PCSK2: variants seen among roughly 807,000 people sequenced by gnomAD.
PCSK2 encodes neuroendocrine convertase 2.
In PCSK2, 14 loss-of-function variants were observed where a neutral mutation model predicts 69.7. The observed-to-expected ratio is 0.20, with a 90% CI of 0.13 to 0.31. The LOEUF is 0.31. Ranked by LOEUF, PCSK2 falls within the 10% of genes least tolerant of loss-of-function variation. PCSK2 has a pLI of 1.00. For synonymous variants in PCSK2, 307 were observed against 320.7 expected, an observed-to-expected ratio of 0.96 and a Z score of 0.46; for missense variants, 544 against 842.5, an observed-to-expected ratio of 0.65 and a Z score of 4.39.
intron 1 of PCSK2, among the ~76,000 whole-genome samples, chr20:17,230,579 A>G (rs954268092): frequency 6.6e-6 from 1 of 152,140 alleles, no homozygotes; most frequent in African/African-American, 2.4e-5. Context: ...GAGCTCTGCT[A>G]TTTTCCCTTT....
chr20:17,389,605 G>A (rs1389016304), intron 5 of PCSK2, among the ~76,000 whole-genome samples: 1 of 152,164 alleles, frequency 6.6e-6, no homozygotes, highest in Non-Finnish European at 1.5e-5. Flanking sequence ...CTTGTCTTCT[G>A]GACTTACTGC....
chr20:17,371,428 G>A (rs956455006), intron 5 of PCSK2, among the ~76,000 whole-genome samples: 8 of 152,166 alleles, frequency 5.3e-5, no homozygotes, highest in South Asian at 2.1e-4. Context: ...ATATTGAGCC[G>A]TGCCAGCTCC....
At chr20:17,384,725 G>A (rs1042415189) in intron 5 of PCSK2, among the ~76,000 whole-genome samples, 1 of 152,112 alleles carries the variant, frequency 6.6e-6, no homozygotes, top group African/African-American at 2.4e-5. Context: ...CTTGAGCCAG[G>A]GGTTTGAGAC....
rs183966617 is a variant in PCSK2 at position 17,473,570 on chromosome 20, A to G, written c.1431-8014A>G. On this transcript the variant is annotated intron_variant, in intron 11 of 11. Coordinates refer to ENST00000262545, the MANE Select transcript of PCSK2 (RefSeq NM_002594.5). ...ATAAATTGATAATTCCTGAGCATAT[A>G]TCTCCTTTTTGCTTTAAAATAAGAA... Among the ~76,000 whole-genome samples the G allele has an allele frequency of 7.2e-5, 11 of 152,300 alleles. No homozygotes were observed. The East Asian group carries it at 2.1e-3, about 29-fold the overall frequency.
intron 5 of PCSK2, among the ~76,000 whole-genome samples, chr20:17,402,385 G>T (rs181937133): frequency 2.5e-4 from 38 of 152,318 alleles, no homozygotes; most frequent in Admixed American, 5.9e-4. Context: ...GTAAATACTG[G>T]CCAGGCACAG....
intron 2 of PCSK2, among the ~76,000 whole-genome samples, chr20:17,346,272 G>A (rs191898674): frequency 7.9e-5 from 12 of 152,310 alleles, no homozygotes; most frequent in Non-Finnish European, 1.6e-4. Flanking sequence ...TGTGGGCGCT[G>A]TTGGCTCCCC....
chr20:17,411,609 C>T (rs1478401556), intron 6 of PCSK2, among the ~76,000 whole-genome samples: 1 of 152,212 alleles, frequency 6.6e-6, no homozygotes. Context: ...AAAAAAGGAG[C>T]AGAAGCTTCT....
At chr20:17,276,377 A>G in intron 2 of PCSK2, among the ~76,000 whole-genome samples, 1 of 151,154 alleles carries the variant, frequency 6.6e-6, no homozygotes, top group East Asian at 1.9e-4. Context: ...AAATGTGTGG[A>G]TTTGCTTCAT....
chr20:17,358,701 TGAAAAAGTGCACCA>T, intron 3 of PCSK2, among the ~76,000 whole-genome samples: 1 of 152,232 alleles, frequency 6.6e-6, no homozygotes, highest in Non-Finnish European at 1.5e-5. Context: ...TCTTCAGTTC[TGAAAAAGTGCACCA>T]GTGTATGACT....
In PCSK2 at chr20:17,480,184, C is replaced by CTTTTTTTTTTTTTTTTTTTTT. The variant is rs1164266992; in HGVS notation, c.1431-1397_1431-1377dup. Among the ~76,000 whole-genome samples the CTTTTTTTTTTTTTTTTTTTTT allele has an allele frequency of 8.4e-4, 65 of 76,980 alleles. 3 individuals carry two copies. Among genetic ancestry groups the CTTTTTTTTTTTTTTTTTTTTT allele is most frequent in the East Asian group, 1.0e-3 (3 of 2,904 alleles). 50.5% of individuals were successfully genotyped at this position (76,980 alleles called of 152,430 possible). On this transcript the variant is annotated intron_variant, in intron 11 of 11. Coordinates refer to ENST00000262545, the MANE Select transcript of PCSK2 (RefSeq NM_002594.5). The stretch of plus-strand genomic sequence containing the variant: ...ATTAATTTACCCATTTTCAGCTTTT[C>CTTTTTTTTTTTTTTTTTTTTT]TTTTTTTTTTTTTTTTTTTTTTTGA...
At chr20:17,350,810 A>G (rs927977695) in intron 2 of PCSK2, among the ~76,000 whole-genome samples, 17 of 152,164 alleles carry the variant, frequency 1.1e-4, no homozygotes, top group Admixed American at 1.1e-3. Context: ...TGGGAGGCCG[A>G]GGCGGGTGGA....
chr20:17,412,694 C>G (rs6034821), intron 6 of PCSK2, among the ~76,000 whole-genome samples: 1 of 152,162 alleles, frequency 6.6e-6, no homozygotes, highest in South Asian at 2.1e-4. Flanking sequence ...CACAAAGATA[C>G]TCCTCAAGAA....
At chr20:17,440,465 T>A (rs1294328012) in intron 8 of PCSK2, among the ~76,000 whole-genome samples, 1 of 152,126 alleles carries the variant, frequency 6.6e-6, no homozygotes, top group Non-Finnish European at 1.5e-5. Flanking sequence ...AGACAATGGG[T>A]TGGACGGGTG....
chr20:17,240,149 G>A (rs1038066244), intron 1 of PCSK2, among the ~76,000 whole-genome samples: 3 of 151,916 alleles, frequency 2.0e-5, no homozygotes, highest in Non-Finnish European at 4.4e-5. Flanking sequence ...ACTGCACCTG[G>A]CCCATGAAAA....
chr20:17,384,425 C>CAAA (rs11478291), intron 5 of PCSK2, among the ~76,000 whole-genome samples: 2,486 of 106,440 alleles, frequency 0.023, 59 homozygotes, highest in Non-Finnish European at 0.034. Context: ...CCATATCTAC[C>CAAA]AAAAAAAAAA....
Position 17,436,773 on chromosome 20 carries a change from C to A in PCSK2, c.775C>A (p.Pro259Thr), listed in dbSNP as rs1427520442. 2 of 1,613,970 alleles carry A rather than the reference C, an allele frequency of 1.2e-6. No individual in the cohort carries two copies. The highest frequency in any genetic ancestry group is 1.7e-6 in the Non-Finnish European group (2 of 1,179,922). ...IIEASSISHMPQLIDIYSASW... is the reference protein window; with the variant it reads ...IIEASSISHMTQLIDIYSASW... ...CGAGGCCTCCTCCATCAGTCATATG[C>A]CACAGCTGATTGACATCTACAGCGC... Residue 259 changes from proline to threonine, a missense_variant, in exon 8 of 12, where the codon CCA (proline) becomes ACA (threonine). By Grantham distance (38) the Pro-to-Thr change is conservative. Transcript: ENST00000262545.
chr20:17,285,646 T>C (rs1023902731), intron 2 of PCSK2, among the ~76,000 whole-genome samples: 1 of 152,234 alleles, frequency 6.6e-6, no homozygotes, highest in African/African-American at 2.4e-5. Context: ...GCAGACAGAT[T>C]GGCCACATAA....
chr20:17,478,985 T>C (rs1415170529), intron 11 of PCSK2: 1 of 708,558 alleles, frequency 1.4e-6, no homozygotes, highest in African/African-American at 1.8e-5. Context: ...TTAAAGTATA[T>C]TGCACACTTG....
At chr20:17,397,764 G>A (rs183982671) in intron 5 of PCSK2, among the ~76,000 whole-genome samples, 11 of 152,152 alleles carry the variant, frequency 7.2e-5, no homozygotes, top group East Asian at 5.8e-4. Flanking sequence ...AGTGTGAGCC[G>A]CCGCCCCCGG....
Sources: gnomAD v4.1 joint callset for allele counts (sites outside exome capture counted in the v4.1 genomes callset) on GRCh38, gnomAD v4.1.1 for gene constraint, MANE v1.5 for transcripts, NCBI Gene and HGNC (gene_info 2026-07-23, HGNC 2026-07-21) for gene names.